Variants in MGAT5 observed in about 807,000 individuals in gnomAD.
MGAT5 encodes the protein alpha-1,6-mannosylglycoprotein 6-beta-N-acetylglucosaminyltransferase A.
MGAT5 carries 30 observed loss-of-function variants against 94.3 expected under a neutral mutation model. That is an observed-to-expected ratio of 0.32 (90% CI 0.24 to 0.43). The LOEUF is 0.43. Among genes scored for constraint, MGAT5 ranks in the 20% least tolerant of loss-of-function variants. The probability of loss-of-function intolerance (pLI) is 1.00; values close to 1 mark genes in which losing one functional copy is unlikely to be tolerated. For missense variants in MGAT5, 691 were observed against 905.5 expected (o/e 0.76, Z 3.04); for synonymous variants, 310 against 322.9 (o/e 0.96, Z 0.43).
intron 1 of MGAT5, among the ~76,000 whole-genome samples, chr2:134,159,221 G>GTGTGTA (rs905883385): frequency 1.7e-3 from 258 of 150,560 alleles, no homozygotes; most frequent in African/African-American, 5.9e-3. Context: ...GTGTGTGTGT[G>GTGTGTA]TGTGGTCCCT....
chr2:134,312,262 AT>A (rs1395937934), intron 2 of MGAT5, among the ~76,000 whole-genome samples: 1 of 152,104 alleles, frequency 6.6e-6, no homozygotes, highest in African/African-American at 2.4e-5. Flanking sequence ...ACAAAAAAAA[AT>A]CTCTCATACA....
intron 1 of MGAT5, among the ~76,000 whole-genome samples, chr2:134,180,955 G>T (rs555489298): frequency 6.6e-6 from 1 of 152,286 alleles, no homozygotes; most frequent in South Asian, 2.1e-4. Context: ...TACTTTCTCA[G>T]CGATACCCTG....
intron 10 of MGAT5, among the ~76,000 whole-genome samples, chr2:134,400,683 A>G (rs13007251): frequency 0.21 from 31,501 of 152,104 alleles, 3,490 homozygotes; most frequent in Middle Eastern, 0.29. Flanking sequence ...TTACTGGTCT[A>G]CCCTGTAGCT....
chr2:134,220,019 A>G (rs1413045145), intron 1 of MGAT5, among the ~76,000 whole-genome samples: 1 of 152,198 alleles, frequency 6.6e-6, no homozygotes, highest in African/African-American at 2.4e-5. Context: ...TTATTAAGTA[A>G]TGCCACAGTA....
At chr2:134,412,017 T>C (rs1683694392) in intron 11 of MGAT5, among the ~76,000 whole-genome samples, 1 of 152,172 alleles carries the variant, frequency 6.6e-6, no homozygotes, top group African/African-American at 2.4e-5. Context: ...TCCAGCAGTG[T>C]GAAGTACACC....
At chr2:134,232,566 A>G (rs1416711797) in intron 1 of MGAT5, among the ~76,000 whole-genome samples, 1 of 152,216 alleles carries the variant, frequency 6.6e-6, no homozygotes, top group Non-Finnish European at 1.5e-5. Context: ...GGAAGTTGTA[A>G]AAACAGTACA....
At chr2:134,133,734 G>A (rs951852006) in intron 1 of MGAT5, among the ~76,000 whole-genome samples, 2 of 152,186 alleles carry the variant, frequency 1.3e-5, no homozygotes, top group African/African-American at 2.4e-5. Flanking sequence ...TCTCTCTGAG[G>A]AGTTTGGGTT....
upstream of MGAT5, among the ~76,000 whole-genome samples, chr2:134,249,083 C>G (rs1682442415): frequency 6.6e-6 from 1 of 152,100 alleles, no homozygotes; most frequent in South Asian, 2.1e-4. Context: ...TGGTTTCCTT[C>G]TGTTGCTAGG....
At chr2:134,148,339 A>G (rs182132236) in intron 1 of MGAT5, among the ~76,000 whole-genome samples, 104 of 152,320 alleles carry the variant, frequency 6.8e-4, no homozygotes, top group Non-Finnish European at 1.3e-3. Flanking sequence ...CACTCTGGCC[A>G]TACCCCAGAC....
chr2:134,247,159 A>G (rs1682318389), intron 1 of MGAT5, among the ~76,000 whole-genome samples: 1 of 152,174 alleles, frequency 6.6e-6, no homozygotes. Flanking sequence ...GTAAATTGAG[A>G]TGGAGGCTGA....
At chr2:134,408,431 GT>G (rs2106317166) in intron 11 of MGAT5, among the ~76,000 whole-genome samples, 1 of 152,316 alleles carries the variant, frequency 6.6e-6, no homozygotes, top group African/African-American at 2.4e-5. Flanking sequence ...GTTGTTTGTG[GT>G]TTGGGTTTTT....
chr2:134,401,648 T>C (rs1208964703), intron 10 of MGAT5, among the ~76,000 whole-genome samples: 4 of 152,242 alleles, frequency 2.6e-5, no homozygotes, highest in African/African-American at 9.6e-5. Flanking sequence ...TTTAAAACTA[T>C]ACATTTCTAA....
intron 12 of MGAT5, among the ~76,000 whole-genome samples, chr2:134,418,507 G>A (rs892735068): frequency 2.6e-5 from 4 of 152,198 alleles, no homozygotes; most frequent in Admixed American, 6.5e-5. Flanking sequence ...ATGCATCCCC[G>A]CAGGGTGGTA....
At chr2:134,284,828 G>A (rs970782386) in intron 2 of MGAT5, among the ~76,000 whole-genome samples, 10 of 152,070 alleles carry the variant, frequency 6.6e-5, no homozygotes, top group Admixed American at 2.6e-4. Flanking sequence ...TGGGACAATC[G>A]CATTTTATTG....
chr2:134,250,638 G>A (rs1283273654), upstream of MGAT5, among the ~76,000 whole-genome samples: 4 of 152,166 alleles, frequency 2.6e-5, no homozygotes, highest in African/African-American at 7.2e-5. Flanking sequence ...CTCTGTGTGT[G>A]CTGTGTGTAT....
chr2:134,438,128 A>G (rs1685273275), intron 14 of MGAT5, among the ~76,000 whole-genome samples: 1 of 152,174 alleles, frequency 6.6e-6, no homozygotes, highest in Non-Finnish European at 1.5e-5. Flanking sequence ...AAAATTTCAC[A>G]CATAAAAGTA....
intron 2 of MGAT5, among the ~76,000 whole-genome samples, chr2:134,310,078 T>C (rs190398698): frequency 6.6e-6 from 1 of 152,304 alleles, no homozygotes; most frequent in East Asian, 1.9e-4. Context: ...TACACTGAAT[T>C]TGATTTTCTT....
chr2:134,252,831 T>G (rs1682699983), upstream of MGAT5, among the ~76,000 whole-genome samples: 1 of 152,160 alleles, frequency 6.6e-6, no homozygotes, highest in Non-Finnish European at 1.5e-5. Context: ...GTGAGGATGA[T>G]GTAGGGAAGG....
At chr2:134,328,911 G>A (rs1309142056) in intron 4 of MGAT5, among the ~76,000 whole-genome samples, 4 of 151,902 alleles carry the variant, frequency 2.6e-5, no homozygotes, top group African/African-American at 9.7e-5. Flanking sequence ...GAACACTCTA[G>A]AAGGAAGAGG....
Sources: gnomAD v4.1 joint callset for allele counts (sites outside exome capture counted in the v4.1 genomes callset) on GRCh38, gnomAD v4.1.1 for gene constraint, MANE v1.5 for transcripts, NCBI Gene and HGNC (gene_info 2026-07-23, HGNC 2026-07-21) for gene names.